FBXW4: variants seen among roughly 807,000 people sequenced by gnomAD.
FBXW4 encodes F-box and WD repeat domain containing 4, also known as F-box/WD repeat-containing protein 4.
A neutral mutation model predicts 61.8 loss-of-function variants in FBXW4; 40 were observed. The observed-to-expected ratio is 0.65, with a 90% CI of 0.50 to 0.84. The LOEUF (loss-of-function observed/expected upper bound fraction) is 0.84. Among genes scored for constraint, FBXW4 ranks in the 40% least tolerant of loss-of-function variants. The probability of loss-of-function intolerance (pLI) is 0.00; values close to 1 mark genes in which losing one functional copy is unlikely to be tolerated. For missense variants in FBXW4, 672 were observed against 753.8 expected, an observed-to-expected ratio of 0.89 and a Z score of 1.27; for synonymous variants, 311 against 313.8, an observed-to-expected ratio of 0.99 and a Z score of 0.10.
At chr10:101,645,841 G>A (rs1162419804) in intron 5 of FBXW4, among the ~76,000 whole-genome samples, 1 of 152,178 alleles carries the variant, frequency 6.6e-6, no homozygotes, top group African/African-American at 2.4e-5. Context: ...TAGCACGGAA[G>A]TGAAAAAGCA....
intron 5 of FBXW4, among the ~76,000 whole-genome samples, chr10:101,644,564 C>A (rs1184923655): frequency 5.3e-5 from 8 of 152,180 alleles, no homozygotes. Flanking sequence ...AGTGCTGGAT[C>A]TGCTCTGCTC....
At chr10:101,617,968 G>A (rs1244510226) in intron 6 of FBXW4, among the ~76,000 whole-genome samples, 3 of 152,218 alleles carry the variant, frequency 2.0e-5, no homozygotes, top group East Asian at 1.9e-4. Context: ...GGCAGTTCCC[G>A]TAATCACCCT....
chr10:101,680,939 C>T (rs2064468011), intron 1 of FBXW4, among the ~76,000 whole-genome samples: 1 of 152,100 alleles, frequency 6.6e-6, no homozygotes, highest in East Asian at 1.9e-4. Flanking sequence ...GAATAGTATA[C>T]TAATGCAATG....
Position 101,694,506 on chromosome 10 carries a change from C to T in FBXW4, c.600G>A (p.Met200Ile), listed in dbSNP as rs866579785. Reference sequence around the variant, plus strand: ...CCTGGGCCAGGCGGCCGAGGGCCCGCATGTCCAGGTAGGAGCAGATGAGCA... The same window carrying T: ...CCTGGGCCAGGCGGCCGAGGGCCCGTATGTCCAGGTAGGAGCAGATGAGCA... ...LLLLICSYLD[M>I]RALGRLAQVC... Residue 200 changes from methionine to isoleucine, a missense_variant, in exon 1 of 9, where the codon ATG becomes ATA. Met to Ile is a conservative substitution (Grantham distance 10). Around this residue, in one of 5 missense-constraint regions of FBXW4, gnomAD observed 311 missense variants for 301.1 expected, o/e 1.03. Coordinates refer to ENST00000331272, the MANE Select transcript of FBXW4 (RefSeq NM_022039.4). This position sits in a 1 kb window ranked among gnomAD's most constrained non-coding sequence, Gnocchi z 6.0. 1 of 1,520,410 alleles carries T rather than the reference C, an allele frequency of 6.6e-7. No individual in the cohort carries two copies. The highest frequency in any genetic ancestry group is 1.4e-5 in the African/African-American group (1 of 69,868). The allele number at this position is 1,520,410 out of a possible 1,614,324, so 94.2% of individuals were successfully genotyped here.
intron 6 of FBXW4, among the ~76,000 whole-genome samples, chr10:101,617,016 G>T (rs1261048416): frequency 6.6e-6 from 1 of 152,200 alleles, no homozygotes; most frequent in Non-Finnish European, 1.5e-5. Context: ...AGGGCCTGTT[G>T]TTCTCTTTGT....
intron 4 of FBXW4, among the ~76,000 whole-genome samples, chr10:101,672,440 C>G (rs905862680): frequency 2.0e-5 from 3 of 152,202 alleles, no homozygotes; most frequent in African/African-American, 7.2e-5. Flanking sequence ...CTCTCATCGT[C>G]TCTGCTGCTT....
At chr10:101,616,830 G>A (rs2063829199) in intron 6 of FBXW4, among the ~76,000 whole-genome samples, 3 of 152,250 alleles carry the variant, frequency 2.0e-5, no homozygotes, top group Admixed American at 2.0e-4. Context: ...AACAAACAGT[G>A]ATTGTCCTAG....
chr10:101,671,479 C>T (rs997730663), intron 4 of FBXW4, among the ~76,000 whole-genome samples: 9 of 152,088 alleles, frequency 5.9e-5, no homozygotes, highest in East Asian at 3.9e-4. Context: ...TGCTATTCTT[C>T]GTCAACTGTA....
chr10:101,687,143 A>G (rs1589783881), intron 1 of FBXW4, among the ~76,000 whole-genome samples: 1 of 152,194 alleles, frequency 6.6e-6, no homozygotes, highest in African/African-American at 2.4e-5. Flanking sequence ...CATATTTACT[A>G]TAAAACAATT....
At chr10:101,621,501 C>G (rs1459134142) in intron 6 of FBXW4, among the ~76,000 whole-genome samples, 2 of 152,112 alleles carry the variant, frequency 1.3e-5, no homozygotes, top group Non-Finnish European at 2.9e-5. Context: ...GCACTCCAGC[C>G]TGGGTGACAG....
chr10:101,623,994 G>A (rs1356873814), intron 6 of FBXW4, among the ~76,000 whole-genome samples: 1 of 152,072 alleles, frequency 6.6e-6, no homozygotes, highest in Non-Finnish European at 1.5e-5. Context: ...TTTTTGTGCT[G>A]ATGGAACAAA....
Position 101,694,869 on chromosome 10 carries a change from T to G in FBXW4, c.237A>C (p.Ala79=). The change falls in exon 1 of 9, where the codon GCA becomes GCC. Residue 79 remains alanine, a synonymous_variant. Transcript: ENST00000331272. The surrounding 1 kb of genome is among the most constrained non-coding windows in gnomAD (Gnocchi z 6.0). ...AGPGADAGAR[A]CPREEAEGGR... is the part of the protein sequence containing the mutation. ...CTCCCTCTGCTTCCTCCCTTGGGCA[T>G]GCCCTCGCTCCCGCGTCAGCCCCCG... The G allele has an allele frequency of 8.0e-7, 1 of 1,247,506 alleles. No individual in the cohort carries two copies. The highest frequency in any genetic ancestry group is 1.0e-6 in the Non-Finnish European group (1 of 997,230). The allele number at this position is 1,247,506 out of a possible 1,614,324, so 77.3% of individuals were successfully genotyped here.
intron 5 of FBXW4, among the ~76,000 whole-genome samples, chr10:101,638,045 G>A (rs1251129466): frequency 6.6e-6 from 1 of 152,162 alleles, no homozygotes; most frequent in Non-Finnish European, 1.5e-5. Flanking sequence ...AAGGCAATGT[G>A]GTGGTGTCTA....
At chr10:101,690,956 T>C (rs1264316385) in intron 1 of FBXW4, among the ~76,000 whole-genome samples, 1 of 152,186 alleles carries the variant, frequency 6.6e-6, no homozygotes, top group African/African-American at 2.4e-5. Flanking sequence ...TTTTACAATT[T>C]ATTGTGTGCT....
chr10:101,612,326 A>T lies in FBXW4; in HGVS notation c.1442+11T>A, dbSNP rs1383759757. The T allele has an allele frequency of 6.5e-7, 1 of 1,549,640 alleles. No individual in the cohort carries two copies. Among genetic ancestry groups the T allele is most frequent in the South Asian group, 1.3e-5 (1 of 78,766 alleles). The stretch of plus-strand genomic sequence containing the variant: ...CCCCCACCACCTGTCCTCCCTGCCC[A>T]GCACACTCACCGGACGCTGGTGCGG... On this transcript the variant is annotated intron_variant, in intron 7 of 8. Transcript: ENST00000331272.
intron 1 of FBXW4, among the ~76,000 whole-genome samples, chr10:101,691,204 T>A (rs934412222): frequency 1.3e-5 from 2 of 152,132 alleles, no homozygotes; most frequent in Admixed American, 1.3e-4. Flanking sequence ...GCCATACTCT[T>A]GCTGTACTTT....
intron 6 of FBXW4, among the ~76,000 whole-genome samples, chr10:101,618,777 C>T (rs1347910774): frequency 6.6e-6 from 1 of 152,122 alleles, no homozygotes; most frequent in Non-Finnish European, 1.5e-5. Context: ...ACCTTCAGGT[C>T]TGGGATTAAA....
intron 5 of FBXW4, among the ~76,000 whole-genome samples, chr10:101,639,980 G>C (rs557192707): frequency 7.4e-4 from 113 of 152,288 alleles, no homozygotes; most frequent in African/African-American, 2.5e-3. Context: ...GAGTAATATA[G>C]AGCCTCTGTT....
At position 101,678,494 on chromosome 10, in the gene FBXW4, C is replaced by T. The variant is rs1438347699; in HGVS notation, c.726-2058G>A. ...AGGCTGGAGTGCAGTGGCACGATCTCGGCTCACTGCAAGCTCCGCCTCTCG... is the reference window on the plus strand; with the variant it reads ...AGGCTGGAGTGCAGTGGCACGATCTTGGCTCACTGCAAGCTCCGCCTCTCG... On this transcript the variant is annotated intron_variant, in intron 1 of 8. Coordinates refer to ENST00000331272, the MANE Select transcript of FBXW4 (RefSeq NM_022039.4). Among the ~76,000 whole-genome samples the T allele has an allele frequency of 2.6e-5, 4 of 152,170 alleles. 1 individual carries two copies. In the East Asian group the frequency reaches 7.7e-4, roughly 29 times the overall value.
Sources: gnomAD v4.1 joint callset for allele counts (sites outside exome capture counted in the v4.1 genomes callset) on GRCh38, gnomAD v4.1.1 for gene constraint, gnomAD v4.1.1 regional missense constraint, Gnocchi (gnomAD v3.1) non-coding constraint, MANE v1.5 for transcripts, NCBI Gene and HGNC (gene_info 2026-07-23, HGNC 2026-07-21) for gene names.